TAB1: variants seen among roughly 807,000 people sequenced by gnomAD.
The protein encoded by TAB1 is TGF-beta-activated kinase 1 and MAP3K7-binding protein 1.
Under a neutral mutation model 54.5 loss-of-function variants are expected in TAB1, and 30 were observed. That is an observed-to-expected ratio of 0.55 (90% CI 0.41 to 0.75). The LOEUF is 0.75. Ranked by LOEUF, TAB1 falls within the 30% of genes least tolerant of loss-of-function variation. The pLI is 0.00. For synonymous variants in TAB1, 289 were observed against 286.9 expected (o/e 1.01, Z -0.07); for missense variants, 609 against 683.2 (o/e 0.89, Z 1.21).
downstream of TAB1, chr22:39,433,213 A>G (rs533426587): frequency 9.2e-6 from 9 of 979,186 alleles, no homozygotes; most frequent in African/African-American, 1.2e-4. Context: ...GCACTTTCAG[A>G]GGCCAAGGCA....
In TAB1 at chr22:39,415,763, C is replaced by G; in HGVS notation, c.324+110C>G. 1 of 1,383,550 alleles carries G rather than the reference C, an allele frequency of 7.2e-7. No homozygotes were observed. The highest frequency in any genetic ancestry group is 9.7e-7 in the Non-Finnish European group (1 of 1,028,448). The allele number at this position is 1,383,550 out of a possible 1,614,324, so 85.7% of individuals were successfully genotyped here. On this transcript the variant is annotated intron_variant, in intron 3 of 10. Transcript: ENST00000216160. The surrounding 1 kb of genome is among the most constrained non-coding windows in gnomAD (Gnocchi z 4.9). The stretch of plus-strand genomic sequence containing the variant: ...AGGGTTGGTGTGAAGATCCTGCCGG[C>G]CCCTTCACCCCAGTAGAGGAGCAGC...
At chr22:39,413,731 A>G (rs779997536) in intron 1 of TAB1, among the ~76,000 whole-genome samples, 5 of 152,134 alleles carry the variant, frequency 3.3e-5, no homozygotes, top group Non-Finnish European at 5.9e-5. Flanking sequence ...AGCCAATACA[A>G]ATTTTATTTT....
intron 1 of TAB1, among the ~76,000 whole-genome samples, chr22:39,410,719 A>G (rs1048916958): frequency 6.6e-6 from 1 of 152,240 alleles, no homozygotes; most frequent in African/African-American, 2.4e-5. Context: ...AAATAAGTGT[A>G]GAGACACACC....
chr22:39,428,964 C>G (rs1927470252), intron 10 of TAB1, among the ~76,000 whole-genome samples: 1 of 152,248 alleles, frequency 6.6e-6, no homozygotes, highest in Non-Finnish European at 1.5e-5. Flanking sequence ...GAGCAAGCTC[C>G]TTGGGCATCC....
At chr22:39,405,737 A>G (rs984372940) in intron 1 of TAB1, among the ~76,000 whole-genome samples, 10 of 152,216 alleles carry the variant, frequency 6.6e-5, no homozygotes, top group Admixed American at 2.6e-4. Context: ...GGAATCAGCA[A>G]TGGACGCTCG....
At chr22:39,426,654 C>T in intron 8 of TAB1, 49 bp from the exon 9 acceptor site, 3 of 1,522,050 alleles carry the variant, frequency 2.0e-6, no homozygotes, top group Non-Finnish European at 2.7e-6. Context: ...CCCATGCCCC[C>T]CAGGCCGCAC....
chr22:39,435,106 C>G (rs1034982801), downstream of TAB1, among the ~76,000 whole-genome samples: 2 of 152,134 alleles, frequency 1.3e-5, no homozygotes, highest in Non-Finnish European at 2.9e-5. Flanking sequence ...TATGTCATCG[C>G]CCTGCAGAAA....
chr22:39,401,732 C>T (rs567935024), intron 1 of TAB1, among the ~76,000 whole-genome samples: 15 of 152,230 alleles, frequency 9.9e-5, no homozygotes, highest in East Asian at 3.9e-4. Context: ...CATCTTGGTG[C>T]GTGGCAAAGG....
Position 39,430,456 on chromosome 22 carries a change from G to T in TAB1, c.*234G>T, listed in dbSNP as rs762169514. ...GGCCACTTCCTCCCAGATGGCCTCA[G>T]CCAGGACCATCGCCCTTTCTCAGAG... On this transcript the variant is annotated 3_prime_UTR_variant, in exon 11 of 11. Coordinates refer to ENST00000216160, the MANE Select transcript of TAB1 (RefSeq NM_006116.3). 1.4e-6 allele frequency: 2 copies of T among 1,411,810 alleles called. No individual in the cohort carries two copies. The highest frequency in any genetic ancestry group is 1.8e-6 in the Non-Finnish European group (2 of 1,083,476). 87.5% of individuals were successfully genotyped at this position (1,411,810 alleles called of 1,614,324 possible).
chr22:39,417,796 C>T lies in TAB1; in HGVS notation c.497C>T (p.Ala166Val), dbSNP rs1926902553. 2.5e-6 allele frequency: 4 copies of T among 1,613,162 alleles called. No individual in the cohort carries two copies. The highest frequency in any genetic ancestry group is 3.4e-6 in the Non-Finnish European group (4 of 1,179,602). ...TTAGAGAGGGAAATTTCGGGAGGGG[C>T]CATGGCCGTTGTGGCGGTCCTTCTC... Reference protein sequence around the residue: ...KTLEREISGGAMAVVAVLLNN... With the variant: ...KTLEREISGGVMAVVAVLLNN... Residue 166 changes from alanine (A) to valine (V), a missense_variant, in exon 5 of 11, where the codon GCC (alanine) becomes GTC (valine). Ala to Val is a moderately conservative substitution (Grantham distance 64). Coordinates refer to ENST00000216160, the MANE Select transcript of TAB1 (RefSeq NM_006116.3).
At chr22:39,436,382 A>C, downstream of TAB1, 1 of 825,634 alleles carries the variant, frequency 1.2e-6, no homozygotes, top group South Asian at 1.4e-5. Context: ...AAGAGTTGGT[A>C]TCCGTGGCCT....
intron 1 of TAB1, among the ~76,000 whole-genome samples, chr22:39,402,856 A>G (rs1926206330): frequency 6.6e-6 from 1 of 152,204 alleles, no homozygotes; most frequent in African/African-American, 2.4e-5. Flanking sequence ...CCGGCCACAA[A>G]GAGGTTCTAA....
downstream of TAB1, chr22:39,433,926 C>G: frequency 1.1e-5 from 7 of 622,790 alleles, no homozygotes; most frequent in Non-Finnish European, 1.4e-5. Context: ...CCATGGGTCA[C>G]TCACTCTCAG....
At position 39,430,992 on chromosome 22, in the gene TAB1, G is replaced by A. The variant is rs898863548; in HGVS notation, c.*770G>A. On this transcript the variant is annotated 3_prime_UTR_variant, in exon 11 of 11. Transcript: ENST00000216160. ...CCGCTGTCGTCAGGCCTGAGCCAGG[G>A]TGAGCTGGTGCCTGCCTTGCATTTT... is the stretch of plus-strand genomic sequence containing the variant. The A allele has an allele frequency of 9.1e-6, 9 of 986,262 alleles. No individual in the cohort carries two copies. In the African/African-American group the frequency reaches 1.6e-4, roughly 17 times the overall value. The allele number at this position is 986,262 out of a possible 1,614,324, so 61.1% of individuals were successfully genotyped here.
chr22:39,432,220 T>C (rs905214483), downstream of TAB1, among the ~76,000 whole-genome samples: 8 of 152,152 alleles, frequency 5.3e-5, no homozygotes, highest in Admixed American at 5.2e-4. Flanking sequence ...AGAGTGAGCC[T>C]AGGGTCTTGG....
chr22:39,410,193 C>G (rs1296695405), intron 1 of TAB1, among the ~76,000 whole-genome samples: 11 of 152,152 alleles, frequency 7.2e-5, no homozygotes, highest in Admixed American at 7.2e-4. Context: ...CTGCAACCTC[C>G]ACCTCCTGCA....
chr22:39,399,939 C>T, intron 1 of TAB1, 104 bp downstream of exon 1: 2 of 1,273,176 alleles, frequency 1.6e-6, no homozygotes, highest in South Asian at 2.6e-5. Flanking sequence ...GCCACCCTCT[C>T]CGTGGTGGGG....
Position 39,430,187 on chromosome 22 carries a change from G to C in TAB1, c.1480G>C (p.Asp494His), listed in dbSNP as rs767347508. ...TGAGTTTTACCGCCTCTGGAGCGTG[G>C]ACCATGGCGAGCAGAGCGTGGTGAC... ...FAEFYRLWSV[D>H]HGEQSVVTAP The change falls in exon 11 of 11, where the codon GAC becomes CAC. Residue 494 changes from aspartate (D) to histidine (H), a missense_variant. Coordinates refer to ENST00000216160, the MANE Select transcript of TAB1 (RefSeq NM_006116.3). The C allele has an allele frequency of 6.2e-7, 1 of 1,613,520 alleles. No homozygotes were observed. Among genetic ancestry groups the C allele is most frequent in the Non-Finnish European group, 8.5e-7 (1 of 1,180,024 alleles).
intron 1 of TAB1, among the ~76,000 whole-genome samples, chr22:39,408,689 G>T (rs1247727851): frequency 2.0e-5 from 3 of 152,164 alleles, no homozygotes; most frequent in Non-Finnish European, 2.9e-5. Context: ...TTTTAGTAGA[G>T]ACAGGGTTTC....
Sources: allele counts gnomAD v4.1 joint callset (sites outside exome capture counted in the v4.1 genomes callset), GRCh38; gene constraint gnomAD v4.1.1; non-coding constraint Gnocchi (gnomAD v3.1); transcripts MANE v1.5; gene names NCBI Gene and HGNC (gene_info 2026-07-23, HGNC 2026-07-21).